ASCC3: variants seen among roughly 807,000 people sequenced by gnomAD.
ASCC3 encodes the protein activating signal cointegrator 1 complex subunit 3.
A neutral mutation model predicts 256.3 loss-of-function variants in ASCC3; 158 were observed. The observed-to-expected ratio is 0.62, with a 90% CI of 0.54 to 0.70. ASCC3 has a LOEUF of 0.70. Ranked by LOEUF, ASCC3 falls within the 30% of genes least tolerant of loss-of-function variation. The pLI is 0.00. For synonymous variants in ASCC3, 948 were observed against 883.4 expected, an observed-to-expected ratio of 1.07 and a Z score of -1.30; for missense variants, 2,259 against 2,626.0, an observed-to-expected ratio of 0.86 and a Z score of 3.05.
chr6:100,769,972 A>C (rs929681623), intron 8 of ASCC3, among the ~76,000 whole-genome samples: 4 of 151,972 alleles, frequency 2.6e-5, no homozygotes, highest in African/African-American at 9.7e-5. Flanking sequence ...AAAAACCTCC[A>C]GGGCCAGAAA....
chr6:100,670,309 C>G (rs1016432514), intron 14 of ASCC3, among the ~76,000 whole-genome samples: 1 of 151,800 alleles, frequency 6.6e-6, no homozygotes, highest in Non-Finnish European at 1.5e-5. Context: ...CCATGGTATC[C>G]ATGGGGGATT....
intron 8 of ASCC3, among the ~76,000 whole-genome samples, chr6:100,768,151 T>G (rs1188677784): frequency 1.3e-5 from 2 of 152,218 alleles, no homozygotes; most frequent in Non-Finnish European, 2.9e-5. Flanking sequence ...GCAGCAGTAA[T>G]AGTAGGAACA....
At chr6:100,716,931 T>G (rs775950480) in intron 12 of ASCC3, among the ~76,000 whole-genome samples, 1 of 151,938 alleles carries the variant, frequency 6.6e-6, no homozygotes, top group Admixed American at 6.6e-5. Context: ...ATTCTAAAGC[T>G]ATAAAAGAAG....
At chr6:100,578,542 C>T (rs1347278681) in intron 36 of ASCC3, among the ~76,000 whole-genome samples, 1 of 151,888 alleles carries the variant, frequency 6.6e-6, no homozygotes, top group Non-Finnish European at 1.5e-5. Flanking sequence ...CCCTGTGTTT[C>T]ACGTAGGATT....
At chr6:100,538,862 GAA>G (rs879941076) in intron 37 of ASCC3, among the ~76,000 whole-genome samples, 1 of 148,268 alleles carries the variant, frequency 6.7e-6, no homozygotes, top group Non-Finnish European at 1.5e-5. Flanking sequence ...TGGGTTTTAT[GAA>G]AAAAAAAATG....
chr6:100,793,618 C>A (rs1172492093), intron 8 of ASCC3, among the ~76,000 whole-genome samples: 1 of 151,930 alleles, frequency 6.6e-6, no homozygotes, highest in Non-Finnish European at 1.5e-5. Context: ...GAAGGAAACA[C>A]AAATGTGGCA....
intron 10 of ASCC3, among the ~76,000 whole-genome samples, chr6:100,761,115 A>T (rs1281155674): frequency 6.6e-6 from 1 of 152,328 alleles, no homozygotes; most frequent in Admixed American, 6.5e-5. Flanking sequence ...ATTAACTATA[A>T]GAGAACAATA....
chr6:100,601,948 C>T lies in ASCC3; in HGVS notation c.5178-13G>A. The stretch of plus-strand genomic sequence containing the variant: ...CACTCCTAATAAACTATATAGTGAA[C>T]AAGACATGGGAAGCATACAAGAGCA... On this transcript the variant is annotated splice_polypyrimidine_tract_variant and intron_variant, in intron 33 of 41. Transcript: ENST00000369162. The T allele has an allele frequency of 6.2e-7, 1 of 1,610,844 alleles. No individual in the cohort carries two copies. Among genetic ancestry groups the T allele is most frequent in the Non-Finnish European group, 8.5e-7 (1 of 1,178,086 alleles).
chr6:100,629,735 G>C (rs1037548506), intron 26 of ASCC3, among the ~76,000 whole-genome samples: 1 of 151,958 alleles, frequency 6.6e-6, no homozygotes, highest in Non-Finnish European at 1.5e-5. Flanking sequence ...ATAAGCCAGA[G>C]CAAATATGTA....
intron 10 of ASCC3, among the ~76,000 whole-genome samples, chr6:100,756,681 G>C (rs1017022909): frequency 6.6e-6 from 1 of 152,006 alleles, no homozygotes; most frequent in African/African-American, 2.4e-5. Flanking sequence ...TCAAAGTTTT[G>C]GGGTCAAACT....
intron 13 of ASCC3, among the ~76,000 whole-genome samples, chr6:100,711,236 T>C (rs1056026185): frequency 1.3e-5 from 2 of 152,222 alleles, no homozygotes; most frequent in African/African-American, 4.8e-5. Flanking sequence ...ATAACATTTC[T>C]ATTAGTGGCC....
intron 10 of ASCC3, among the ~76,000 whole-genome samples, chr6:100,755,872 T>A (rs940925116): frequency 6.6e-6 from 1 of 152,098 alleles, no homozygotes; most frequent in Admixed American, 6.6e-5. Context: ...ATATTAAAAT[T>A]CAAATTTACT....
intron 13 of ASCC3, among the ~76,000 whole-genome samples, chr6:100,706,558 CA>C (rs2115007254): frequency 6.6e-6 from 1 of 151,908 alleles, no homozygotes; most frequent in South Asian, 2.1e-4. Flanking sequence ...CAAGGGTTGC[CA>C]ACTTTATTGA....
chr6:100,717,003 TA>T (rs10710812), intron 12 of ASCC3, among the ~76,000 whole-genome samples: 9,666 of 151,850 alleles, frequency 0.064, 707 homozygotes, highest in East Asian at 0.3. Flanking sequence ...TATTGAAACA[TA>T]ACTGAAAAAA....
At chr6:100,650,306 A>C (rs940358363) in intron 20 of ASCC3, among the ~76,000 whole-genome samples, 1 of 151,698 alleles carries the variant, frequency 6.6e-6, no homozygotes, top group Admixed American at 6.6e-5. Context: ...CTTTGTAAGA[A>C]ACATCAACAT....
intron 13 of ASCC3, among the ~76,000 whole-genome samples, chr6:100,684,931 A>G (rs986710786): frequency 6.7e-6 from 1 of 149,254 alleles, no homozygotes; most frequent in Non-Finnish European, 1.5e-5. Flanking sequence ...CTCAGCCTCC[A>G]GAGTAGCTGG....
At chr6:100,851,471 A>G (rs1381598658) in intron 3 of ASCC3, among the ~76,000 whole-genome samples, 1 of 152,220 alleles carries the variant, frequency 6.6e-6, no homozygotes, top group Admixed American at 6.5e-5. Flanking sequence ...GTCCATTAAT[A>G]GTGGGTAAAA....
At chr6:100,870,015 C>A (rs556384443) in intron 1 of ASCC3, among the ~76,000 whole-genome samples, 76 of 152,184 alleles carry the variant, frequency 5.0e-4, no homozygotes, top group African/African-American at 1.8e-3. Context: ...AACAAACAGA[C>A]CTCAAGGAGA....
chr6:100,575,987 C>A (rs1344023482), intron 36 of ASCC3, among the ~76,000 whole-genome samples: 1 of 152,038 alleles, frequency 6.6e-6, no homozygotes, highest in Non-Finnish European at 1.5e-5. Flanking sequence ...TTAAGAGATT[C>A]TTCAAATTAC....
Sources: allele counts gnomAD v4.1 joint callset (sites outside exome capture counted in the v4.1 genomes callset), GRCh38; gene constraint gnomAD v4.1.1; transcripts MANE v1.5; gene names NCBI Gene and HGNC (gene_info 2026-07-23, HGNC 2026-07-21).